Variants in SYT12 observed in about 807,000 individuals in gnomAD.
SYT12 encodes the protein synaptotagmin-12.
A neutral mutation model predicts 39.5 loss-of-function variants in SYT12; 27 were observed. The ratio of observed to expected loss-of-function variants is 0.68; its 90% CI spans 0.50 to 0.94. The LOEUF (loss-of-function observed/expected upper bound fraction) is 0.94, where lower values mean the gene tolerates loss of function less well. Ranked by LOEUF, SYT12 falls within the 40% of genes least tolerant of loss-of-function variation. The pLI, the probability that SYT12 is intolerant of heterozygous loss-of-function variation, is 0.00. For missense variants in SYT12, 536 were observed against 572.6 expected (o/e 0.94, Z 0.65); for synonymous variants, 233 against 239.7 (o/e 0.97, Z 0.26).
chr11:67,039,918 T>G lies in SYT12; in HGVS notation c.336T>G (p.Pro112=). 1 of 1,613,680 alleles carries G rather than the reference T, an allele frequency of 6.2e-7. No homozygotes were observed. Among genetic ancestry groups the G allele is most frequent in the Non-Finnish European group, 8.5e-7 (1 of 1,180,026 alleles). The change falls in exon 4 of 8, where the codon CCT becomes CCG. Residue 112 remains proline (P), a synonymous_variant. Coordinates refer to ENST00000527043, the MANE Select transcript of SYT12 (RefSeq NM_177963.4). ...DTFESISELG[P]LELMGRELDL... ...TTGAGAGCATCAGTGAACTGGGGCC[T>G]CTGGAGCTGATGGGCCGGGAGTTGG...
intron 3 of SYT12, among the ~76,000 whole-genome samples, chr11:67,012,547 G>C (rs1215987990): frequency 6.6e-6 from 1 of 152,152 alleles, no homozygotes; most frequent in Non-Finnish European, 1.5e-5. Flanking sequence ...GAGTCCAAGA[G>C]GGTAGGGTCT....
chr11:67,025,585 C>A (rs1196730817), intron 1 of SYT12, among the ~76,000 whole-genome samples: 1 of 152,098 alleles, frequency 6.6e-6, no homozygotes, highest in African/African-American at 2.4e-5. Flanking sequence ...AGACACAGTC[C>A]TTCTGCCTGG....
chr11:67,041,834 C>T (rs1362647027), intron 4 of SYT12, among the ~76,000 whole-genome samples: 1 of 152,222 alleles, frequency 6.6e-6, no homozygotes, highest in Non-Finnish European at 1.5e-5. Context: ...CCTGTTGACA[C>T]AGCCCATGGA....
At position 67,039,877 on chromosome 11, in the gene SYT12, A is replaced by G. The variant is rs1293725012; in HGVS notation, c.295A>G (p.Ser99Gly). 9.9e-6 allele frequency: 16 copies of G among 1,613,524 alleles called. No individual in the cohort carries two copies. The highest frequency in any genetic ancestry group is 5.0e-5 in the Admixed American group (3 of 60,008). Residue 99 changes from serine (S) to glycine (G), a missense_variant, in exon 4 of 8, where the codon AGC (serine) becomes GGC (glycine). Transcript: ENST00000527043. ...RGPPSRKGSL[S>G]IEDTFESISE... is the part of the protein sequence containing the mutation. The stretch of plus-strand genomic sequence containing the variant: ...ACCACCCAGCCGCAAAGGCAGTCTC[A>G]GCATTGAGGACACCTTTGAGAGCAT...
In SYT12 at chr11:67,048,863, T is replaced by C; in HGVS notation, c.*106T>C. On this transcript the variant is annotated 3_prime_UTR_variant, in exon 8 of 8. Coordinates refer to ENST00000527043, the MANE Select transcript of SYT12 (RefSeq NM_177963.4). ...CCAGCTGGAGCCGTGAACACTGGGG[T>C]CCCCTGGCAGAGTCCTCATGACCCA... The C allele has an allele frequency of 3.0e-6, 4 of 1,349,604 alleles. No homozygotes were observed. Among genetic ancestry groups the C allele is most frequent in the Non-Finnish European group, 4.0e-6 (4 of 996,850 alleles). 83.6% of individuals were successfully genotyped at this position (1,349,604 alleles called of 1,614,324 possible).
At position 67,043,821 on chromosome 11, in the gene SYT12, A is replaced by G. The variant is rs748074780; in HGVS notation, c.805A>G (p.Ser269Gly). 15 of 1,613,990 alleles carry G rather than the reference A, an allele frequency of 9.3e-6. No homozygotes were observed. Among genetic ancestry groups the G allele is most frequent in the Admixed American group, 1.7e-5 (1 of 60,002 alleles). Reference sequence around the variant, plus strand: ...GCTTGACCTCCCGCTGCAGCCCTTCAGTGGCTGGCTCTATTTACAGGACCA... The same window carrying G: ...GCTTGACCTCCCGCTGCAGCCCTTCGGTGGCTGGCTCTATTTACAGGACCA... ...SVLDLPLQPFSGWLYLQDQNK... is the reference protein window; with the variant it reads ...SVLDLPLQPFGGWLYLQDQNK... Residue 269 changes from serine to glycine, a missense_variant, in exon 5 of 8, where the codon AGT becomes GGT. Ser to Gly is a moderately conservative substitution (Grantham distance 56). Transcript: ENST00000527043.
chr11:67,033,934 A>C (rs1196841828), intron 2 of SYT12, among the ~76,000 whole-genome samples: 1 of 152,138 alleles, frequency 6.6e-6, no homozygotes, highest in Non-Finnish European at 1.5e-5. Flanking sequence ...CAGAGAGAGA[A>C]GGTTATTGAC....
intron 7 of SYT12, 54 bp from the exon 8 acceptor site, chr11:67,048,530 A>G (rs1854638020): frequency 1.3e-6 from 2 of 1,565,468 alleles, no homozygotes; most frequent in East Asian, 2.3e-5. Context: ...CCAGAGGCCA[A>G]GAAGTACCTC....
intron 3 of SYT12, among the ~76,000 whole-genome samples, chr11:67,036,953 A>G (rs1950392954): frequency 6.6e-6 from 1 of 152,206 alleles, no homozygotes; most frequent in South Asian, 2.1e-4. Context: ...CATGCCTGTA[A>G]TCCCAGCTAC....
rs1455453629 is a variant in SYT12, at chr11:67,043,619, A to G, written c.622-19A>G. On this transcript the variant is annotated intron_variant, in intron 4 of 7. Transcript: ENST00000527043. ...GCCTCTCAGGCCCCTAGCGCCCTCC[A>G]TGGCCTTTTCTCCTGCAGATCCAGA... 4 of 1,613,386 alleles carry G rather than the reference A, an allele frequency of 2.5e-6. No homozygotes were observed. Among genetic ancestry groups the G allele is most frequent in the East Asian group, 4.5e-5 (2 of 44,884 alleles).
Position 67,049,132 on chromosome 11 carries a change from A to G in SYT12, c.*375A>G. The G allele has an allele frequency of 5.4e-6, 1 of 186,314 alleles. No individual in the cohort carries two copies. Among genetic ancestry groups the G allele is most frequent in the Non-Finnish European group, 1.1e-5 (1 of 88,154 alleles). The allele number at this position is 186,314 out of a possible 1,614,324, so 11.5% of individuals were successfully genotyped here. ...AAGAAGACCCGGCCCTTAGGGCATC[A>G]GGAAGACTAGCTCCCCTGCCCCGGA... On this transcript the variant is annotated 3_prime_UTR_variant, in exon 8 of 8. Coordinates refer to ENST00000527043, the MANE Select transcript of SYT12 (RefSeq NM_177963.4).
At chr11:67,009,408 C>T (rs1949995815) in intron 1 of SYT12, among the ~76,000 whole-genome samples, 1 of 152,120 alleles carries the variant, frequency 6.6e-6, no homozygotes, top group Non-Finnish European at 1.5e-5. Flanking sequence ...TCTCATGCCT[C>T]AGCCTCCCAA....
At chr11:67,041,565 A>G (rs1950512219) in intron 4 of SYT12, among the ~76,000 whole-genome samples, 1 of 152,208 alleles carries the variant, frequency 6.6e-6, no homozygotes, top group East Asian at 1.9e-4. Context: ...CAGGGATGGC[A>G]TGGTACCCTG....
At position 67,034,723 on chromosome 11, in the gene SYT12, G is replaced by T; in HGVS notation, c.113G>T (p.Ser38Ile). Residue 38 changes from serine to isoleucine, a missense_variant, in exon 3 of 8, where the codon AGC becomes ATC. Coordinates refer to ENST00000527043, the MANE Select transcript of SYT12 (RefSeq NM_177963.4). ...GCCCTGCTGGGAATCGCAGCTGTGA[G>T]CCTGTGGAAGCTCTGGACGTCGGGG... ...ALALLGIAAV[S>I]LWKLWTSGSF... 6.2e-7 allele frequency: 1 copy of T among 1,602,850 alleles called. No individual in the cohort carries two copies. Among genetic ancestry groups the T allele is most frequent in the South Asian group, 1.1e-5 (1 of 89,174 alleles).
intron 3 of SYT12, among the ~76,000 whole-genome samples, chr11:67,037,676 T>C (rs193084634): frequency 2.4e-4 from 36 of 151,040 alleles, no homozygotes; most frequent in African/African-American, 8.5e-4. Context: ...AGGTTGGGAG[T>C]TCGAGACCAG....
chr11:67,041,956 G>C (rs893710592), intron 4 of SYT12, among the ~76,000 whole-genome samples: 2 of 152,202 alleles, frequency 1.3e-5, no homozygotes, highest in African/African-American at 4.8e-5. Flanking sequence ...GTAACTCACA[G>C]AACCAAGCCA....
At chr11:67,014,391 C>T (rs890233570) in intron 3 of SYT12, among the ~76,000 whole-genome samples, 3 of 152,158 alleles carry the variant, frequency 2.0e-5, no homozygotes, top group Non-Finnish European at 4.4e-5. Flanking sequence ...CCAAGCAGCA[C>T]GCCCAGAGCA....
At chr11:67,035,519 G>A (rs1320112024) in intron 3 of SYT12, among the ~76,000 whole-genome samples, 21 of 146,534 alleles carry the variant, frequency 1.4e-4, no homozygotes, top group African/African-American at 5.3e-4. Context: ...GTGCAGTGGG[G>A]CAATCTCGGC....
chr11:67,026,216 T>C (rs1950178795), intron 1 of SYT12, among the ~76,000 whole-genome samples: 1 of 152,144 alleles, frequency 6.6e-6, no homozygotes, highest in Non-Finnish European at 1.5e-5. Context: ...CCAACTCCTG[T>C]TGGAGTCGGG....
Sources: allele counts gnomAD v4.1 joint callset (sites outside exome capture counted in the v4.1 genomes callset), GRCh38; gene constraint gnomAD v4.1.1; transcripts MANE v1.5; gene names NCBI Gene and HGNC (gene_info 2026-07-23, HGNC 2026-07-21).